The following PNLDC1 variants were observed in gnomAD, a reference collection of about 807,000 sequenced individuals.
PNLDC1 encodes the protein PARN like ribonuclease domain containing exonuclease 1.
Under a neutral mutation model 82.0 loss-of-function variants are expected in PNLDC1, and 70 were observed. That is an observed-to-expected ratio of 0.85 (90% CI 0.70 to 1.04). The LOEUF (loss-of-function observed/expected upper bound fraction) is 1.04, where lower values mean the gene tolerates loss of function less well. PNLDC1 is among the 50% of genes least tolerant of loss of function. PNLDC1 has a pLI of 0.00. For missense variants in PNLDC1, 631 were observed against 661.1 expected, an observed-to-expected ratio of 0.95 and a Z score of 0.50; for synonymous variants, 280 against 249.3, an observed-to-expected ratio of 1.12 and a Z score of -1.16.
At chr6:159,807,919 C>T (rs576754525) in intron 7 of PNLDC1, among the ~76,000 whole-genome samples, 1,752 of 143,276 alleles carry the variant, frequency 0.012, 17 homozygotes, top group Middle Eastern at 0.065. Flanking sequence ...TTTTTTTTTT[C>T]TTTTTTTTTT....
intron 18 of PNLDC1, 44 bp from the exon 19 acceptor site, chr6:159,820,410 C>T: frequency 6.2e-7 from 1 of 1,605,448 alleles, no homozygotes; most frequent in Non-Finnish European, 8.5e-7. Flanking sequence ...TGCCTCTCGG[C>T]CTGCTGGGTG....
chr6:159,800,862 A>G, intron 2 of PNLDC1, 33 bp downstream of exon 2: 1 of 1,613,852 alleles, frequency 6.2e-7, no homozygotes, highest in Non-Finnish European at 8.5e-7. Flanking sequence ...TCTGTATAAG[A>G]GCCTGGCCAG....
At chr6:159,814,662 T>C (rs1394338538) in intron 12 of PNLDC1, among the ~76,000 whole-genome samples, 1 of 152,178 alleles carries the variant, frequency 6.6e-6, no homozygotes, top group East Asian at 1.9e-4. Context: ...GAGAGAGCTT[T>C]GTTGTAAATG....
Position 159,815,687 on chromosome 6 carries a change from G to A in PNLDC1, c.996-282G>A, listed in dbSNP as rs566767459. The stretch of plus-strand genomic sequence containing the variant: ...GCTAGACAGGCCACTAGACAGCTCC[G>A]GAGGACAGAGACAGTATCTTGTCTA... On this transcript the variant is annotated intron_variant, in intron 12 of 18. Transcript: ENST00000392167. Among the ~76,000 whole-genome samples the A allele has an allele frequency of 3.3e-4, 50 of 152,242 alleles. 1 individual carries two copies. Among genetic ancestry groups the A allele is most frequent in the Admixed American group, 3.3e-3 (50 of 15,300 alleles).
chr6:159,820,429 A>G (rs764847191), intron 18 of PNLDC1, 25 bp from the exon 19 acceptor site: 12 of 1,613,732 alleles, frequency 7.4e-6, no homozygotes, highest in African/African-American at 1.3e-5. Context: ...TGCCCCGGCC[A>G]CTGACACGTG....
At position 159,810,059 on chromosome 6, in the gene PNLDC1, C is replaced by T. The variant is rs767070466; in HGVS notation, c.817C>T (p.Leu273=). The T allele has an allele frequency of 1.2e-6, 2 of 1,614,138 alleles. No individual in the cohort carries two copies. The highest frequency in any genetic ancestry group is 1.7e-6 in the Non-Finnish European group (2 of 1,179,966). ...LVGHNMMMDL[L]HLHEKFFRPL... ...GGGACATAATATGATGATGGACCTG[C>T]TGCACCTCCATGAGAAGTTCTTCAG... The change falls in exon 10 of 19, where the codon CTG becomes TTG. Residue 273 remains leucine, a synonymous_variant. Coordinates refer to ENST00000392167, the MANE Select transcript of PNLDC1 (RefSeq NM_001271862.2).
In PNLDC1 at chr6:159,819,661, A is replaced by C. The variant is rs1372509456; in HGVS notation, c.1532+309A>C. Among the ~76,000 whole-genome samples the C allele has an allele frequency of 6.6e-6, 1 of 152,198 alleles. No homozygotes were observed. Among genetic ancestry groups the C allele is most frequent in the East Asian group, 1.9e-4 (1 of 5,190 alleles). On this transcript the variant is annotated intron_variant, in intron 18 of 18. Transcript: ENST00000392167. The surrounding 1 kb of genome is among the most constrained non-coding windows in gnomAD (Gnocchi z 4.6). ...AATGGACCCTATAATGTGTTGGGTG[A>C]CAAGTGTTTATTAAAAATGAGAGAA...
chr6:159,819,308 G>A lies in PNLDC1; in HGVS notation c.1488G>A (p.Leu496=), dbSNP rs747256611. The change falls in exon 18 of 19, where the codon CTG becomes CTA. Residue 496 remains leucine (L), a synonymous_variant. Coordinates refer to ENST00000392167, the MANE Select transcript of PNLDC1 (RefSeq NM_001271862.2). The surrounding 1 kb of genome is among the most constrained non-coding windows in gnomAD (Gnocchi z 4.6). ...ACCACCCGACCCTGTGCATCTCCCTGTACCGCTACTGGAGGCACTCCCCAA... is the reference window on the plus strand; with the variant it reads ...ACCACCCGACCCTGTGCATCTCCCTATACCGCTACTGGAGGCACTCCCCAA... The part of the protein sequence containing the change: ...YRDHPTLCIS[L]YRYWRHSPNV... The A allele has an allele frequency of 3.4e-5, 55 of 1,613,834 alleles. No individual in the cohort carries two copies. The highest frequency in any genetic ancestry group is 1.6e-4 in the Middle Eastern group (1 of 6,084).
At chr6:159,816,101 C>T in intron 13 of PNLDC1, 68 bp downstream of exon 13, 1 of 1,457,572 alleles carries the variant, frequency 6.9e-7, no homozygotes, top group South Asian at 1.2e-5. Context: ...CTGAGCTTGT[C>T]CTTGACCCTG....
At chr6:159,808,275 C>T (rs1050214347) in intron 7 of PNLDC1, among the ~76,000 whole-genome samples, 4 of 152,166 alleles carry the variant, frequency 2.6e-5, no homozygotes, top group Non-Finnish European at 4.4e-5. Flanking sequence ...GATGCAAATG[C>T]CGATACAACA....
chr6:159,814,628 G>T (rs1781755530), intron 12 of PNLDC1, among the ~76,000 whole-genome samples: 1 of 152,222 alleles, frequency 6.6e-6, no homozygotes, highest in Non-Finnish European at 1.5e-5. Flanking sequence ...TGAGGGCTGT[G>T]TGTGCATGAG....
At chr6:159,811,818 T>A in intron 11 of PNLDC1, 32 bp downstream of exon 11, 1 of 1,489,456 alleles carries the variant, frequency 6.7e-7, no homozygotes, top group Non-Finnish European at 9.3e-7. Flanking sequence ...GGTTAAGAAC[T>A]GCTTTTTCCA....
chr6:159,818,504 G>T (rs1295541021), intron 15 of PNLDC1, 51 bp from the exon 16 acceptor site: 7 of 1,519,552 alleles, frequency 4.6e-6, no homozygotes, highest in East Asian at 4.5e-5. Flanking sequence ...GGCCGAGGAA[G>T]TGGATGAACT....
At position 159,806,194 on chromosome 6, in the gene PNLDC1, A is replaced by G. The variant is rs910440532; in HGVS notation, c.562+111A>G. The G allele has an allele frequency of 8.6e-6, 7 of 809,464 alleles. No homozygotes were observed. The African/African-American group carries it at 1.0e-4, about 12-fold the overall frequency. The allele number at this position is 809,464 out of a possible 1,614,324, so 50.1% of individuals were successfully genotyped here. A position where few individuals can be genotyped will look rare whatever the true frequency, so the allele number is the denominator to read the frequency against. On this transcript the variant is annotated intron_variant, in intron 7 of 18. Coordinates refer to ENST00000392167, the MANE Select transcript of PNLDC1 (RefSeq NM_001271862.2). ...TTGGGATCCTGGTCCCAAGTGCCTC[A>G]TGACTGAGTCTGATGCAAGCATTTG...
At position 159,817,105 on chromosome 6, in the gene PNLDC1, C is replaced by G. The variant is rs762177730; in HGVS notation, c.1115-4C>G. 2 of 1,611,472 alleles carry G rather than the reference C, an allele frequency of 1.2e-6. No homozygotes were observed. The highest frequency in any genetic ancestry group is 1.7e-6 in the Non-Finnish European group (2 of 1,177,872). ...ATTGCATTTCTGTCTTTTTTCCTTC[C>G]TAGTTCTTTTGAAAGTGGCACACTT... is the stretch of plus-strand genomic sequence containing the variant. On this transcript the variant is annotated splice_polypyrimidine_tract_variant and splice_region_variant and intron_variant, in intron 14 of 18. Transcript: ENST00000392167.
At chr6:159,800,910 G>C in intron 2 of PNLDC1, 81 bp downstream of exon 2, 1 of 1,598,420 alleles carries the variant, frequency 6.3e-7, no homozygotes. Flanking sequence ...GTTGGCATTT[G>C]GGGGGCAGGA....
chr6:159,816,654 C>T, intron 14 of PNLDC1, 58 bp downstream of exon 14: 2 of 1,403,316 alleles, frequency 1.4e-6, no homozygotes, highest in Non-Finnish European at 2.0e-6. Flanking sequence ...TTTTCTGAGA[C>T]AGGGTCTCAC....
At chr6:159,801,833 G>A (rs1365268691) in intron 3 of PNLDC1, among the ~76,000 whole-genome samples, 2 of 149,674 alleles carry the variant, frequency 1.3e-5, no homozygotes, top group East Asian at 1.9e-4. Context: ...TTTTTTCCTT[G>A]ATGGGATTTG....
In PNLDC1 at chr6:159,803,953, G is replaced by T. The variant is rs773906458; in HGVS notation, c.249-12G>T. Reference sequence around the variant, plus strand: ...GTTGTGGCTTTTTCTCTGTATGTTTGTTTTATTATAGGTATATAGCCCATT... The same window carrying T: ...GTTGTGGCTTTTTCTCTGTATGTTTTTTTTATTATAGGTATATAGCCCATT... On this transcript the variant is annotated splice_polypyrimidine_tract_variant and intron_variant, in intron 4 of 18. Transcript: ENST00000392167. 6.2e-7 allele frequency: 1 copy of T among 1,604,108 alleles called. No homozygotes were observed.
Sources: allele counts gnomAD v4.1 joint callset (sites outside exome capture counted in the v4.1 genomes callset), GRCh38; gene constraint gnomAD v4.1.1; non-coding constraint Gnocchi (gnomAD v3.1); transcripts MANE v1.5; gene names NCBI Gene and HGNC (gene_info 2026-07-23, HGNC 2026-07-21).